The following STK32B variants were observed in gnomAD, a reference collection of about 807,000 sequenced individuals.
STK32B encodes the protein serine/threonine kinase 32B, also known as serine/threonine-protein kinase 32B.
A neutral mutation model predicts 52.6 loss-of-function variants in STK32B; 43 were observed. The observed-to-expected ratio is 0.82, with a 90% CI of 0.64 to 1.05. The LOEUF (loss-of-function observed/expected upper bound fraction) is 1.05. Ranked by LOEUF, STK32B falls within the 50% of genes least tolerant of loss-of-function variation. The probability of loss-of-function intolerance (pLI) is 0.00; values close to 1 mark genes in which losing one functional copy is unlikely to be tolerated. For synonymous variants in STK32B, 238 were observed against 204.3 expected (o/e 1.17, Z -1.41); for missense variants, 621 against 534.6 (o/e 1.16, Z -1.59).
chr4:5,194,002 T>G (rs1052915281), intron 3 of STK32B, among the ~76,000 whole-genome samples: 12 of 152,220 alleles, frequency 7.9e-5, no homozygotes, highest in Admixed American at 4.6e-4. Context: ...ACATGTTCTA[T>G]CTGAGCATTC....
intron 3 of STK32B, among the ~76,000 whole-genome samples, chr4:5,236,298 C>G (rs1724631244): frequency 6.6e-6 from 1 of 152,148 alleles, no homozygotes; most frequent in Admixed American, 6.5e-5. Context: ...AGCCTCCCCT[C>G]CAAGACTCTC....
intron 1 of STK32B, among the ~76,000 whole-genome samples, chr4:5,131,121 C>T (rs370337391): frequency 1.3e-5 from 2 of 152,278 alleles, no homozygotes; most frequent in African/African-American, 4.8e-5. Context: ...GTCCTCTACT[C>T]CTATCAGGGA....
At chr4:5,262,121 A>G (rs898248209) in intron 3 of STK32B, among the ~76,000 whole-genome samples, 26 of 151,332 alleles carry the variant, frequency 1.7e-4, no homozygotes, top group Admixed American at 1.7e-3. Flanking sequence ...ATGTTTGTCC[A>G]CTCTCTCTGT....
chr4:5,293,530 C>G (rs904231340), intron 3 of STK32B, among the ~76,000 whole-genome samples: 1 of 152,178 alleles, frequency 6.6e-6, no homozygotes, highest in Non-Finnish European at 1.5e-5. Flanking sequence ...TTGTATTTCT[C>G]TAATGACCAG....
At chr4:5,177,292 G>C in intron 3 of STK32B, among the ~76,000 whole-genome samples, 1 of 152,124 alleles carries the variant, frequency 6.6e-6, no homozygotes, top group East Asian at 1.9e-4. Context: ...TGCCAGTGGG[G>C]AAAATGTCAG....
At position 5,400,428 on chromosome 4, in the gene STK32B, C is replaced by T. The variant is rs930473766; in HGVS notation, c.472+2184C>T. Reference sequence around the variant, plus strand: ...GCTTGGCCTTCACAGTGTCCCAGCCCTGCCTTCTGGCTATGCAGCACCCCA... The same window carrying T: ...GCTTGGCCTTCACAGTGTCCCAGCCTTGCCTTCTGGCTATGCAGCACCCCA... On this transcript the variant is annotated intron_variant, in intron 5 of 11. Coordinates refer to ENST00000282908, the MANE Select transcript of STK32B (RefSeq NM_018401.3). The surrounding 1 kb of genome is among the most constrained non-coding windows in gnomAD (Gnocchi z 6.1). Among the ~76,000 whole-genome samples the T allele has an allele frequency of 1.3e-5, 2 of 152,174 alleles. No homozygotes were observed. Among genetic ancestry groups the T allele is most frequent in the African/African-American group, 4.8e-5 (2 of 41,432 alleles).
intron 4 of STK32B, among the ~76,000 whole-genome samples, chr4:5,356,683 C>T (rs1349085599): frequency 1.3e-5 from 2 of 152,160 alleles, no homozygotes; most frequent in Non-Finnish European, 2.9e-5. Flanking sequence ...TTATAGGTCT[C>T]AGCACACGGT....
intron 3 of STK32B, among the ~76,000 whole-genome samples, chr4:5,275,706 T>C (rs373448385): frequency 6.6e-6 from 1 of 151,906 alleles, no homozygotes; most frequent in East Asian, 1.9e-4. Flanking sequence ...GAGGAATGAA[T>C]TGGGATTGAA....
chr4:5,435,871 A>G (rs1465635904), intron 6 of STK32B: 1 of 152,378 alleles, frequency 6.6e-6, no homozygotes, highest in East Asian at 1.9e-4. Flanking sequence ...TAAGGAAGTG[A>G]TAATAGCAGA....
At chr4:5,498,116 A>AGT (rs1720444947) in intron 11 of STK32B, among the ~76,000 whole-genome samples, 1 of 152,236 alleles carries the variant, frequency 6.6e-6, no homozygotes, top group Non-Finnish European at 1.5e-5. Flanking sequence ...TCAAGTAGAC[A>AGT]GTGTTGAGAG....
chr4:5,157,155 T>C (rs1417408112), intron 2 of STK32B, among the ~76,000 whole-genome samples: 1 of 152,158 alleles, frequency 6.6e-6, no homozygotes, highest in African/African-American at 2.4e-5. Flanking sequence ...ATGTATTCTT[T>C]TAGAATCTTA....
At chr4:5,292,491 T>A (rs193001762) in intron 3 of STK32B, among the ~76,000 whole-genome samples, 279 of 151,912 alleles carry the variant, frequency 1.8e-3, no homozygotes, top group African/African-American at 6.2e-3. Flanking sequence ...AATGGGGCTG[T>A]TTTTTTTCTT....
At chr4:5,370,017 A>C (rs1298763548) in intron 4 of STK32B, among the ~76,000 whole-genome samples, 1 of 151,878 alleles carries the variant, frequency 6.6e-6, no homozygotes, top group Admixed American at 6.6e-5. Flanking sequence ...CTGGGACTAC[A>C]GGCGCCACCA....
chr4:5,482,094 T>TA (rs1718764369), intron 11 of STK32B, among the ~76,000 whole-genome samples: 2 of 152,228 alleles, frequency 1.3e-5, no homozygotes, highest in South Asian at 4.1e-4. Context: ...ATATGAACTT[T>TA]AAAGTAGTTT....
At chr4:5,334,437 A>T (rs1198657623) in intron 4 of STK32B, among the ~76,000 whole-genome samples, 1 of 152,086 alleles carries the variant, frequency 6.6e-6, no homozygotes, top group African/African-American at 2.4e-5. Context: ...GGACAATTTG[A>T]CATCCTCTTT....
chr4:5,483,841 G>A (rs1273430237), intron 11 of STK32B, among the ~76,000 whole-genome samples: 22 of 151,968 alleles, frequency 1.4e-4, no homozygotes, highest in African/African-American at 3.4e-4. Flanking sequence ...TCATTTCGTT[G>A]TGTACCCAGC....
chr4:5,284,350 A>G lies in STK32B; in HGVS notation c.261-46870A>G, dbSNP rs112879056. Among the ~76,000 whole-genome samples the G allele has an allele frequency of 3.5e-3, 531 of 152,282 alleles. 1 individual carries two copies. The highest frequency in any genetic ancestry group is 0.012 in the African/African-American group (504 of 41,562). On this transcript the variant is annotated intron_variant, in intron 3 of 11. Transcript: ENST00000282908. Reference sequence around the variant, plus strand: ...TAAGACAAAAGTAAACTTTAACTCTAAAAACTAGGTTTAAGAGAAGACTTA... The same window carrying G: ...TAAGACAAAAGTAAACTTTAACTCTGAAAACTAGGTTTAAGAGAAGACTTA...
chr4:5,195,321 T>C (rs1721555240), intron 3 of STK32B, among the ~76,000 whole-genome samples: 1 of 152,184 alleles, frequency 6.6e-6, no homozygotes, highest in African/African-American at 2.4e-5. Context: ...GTATCAGATT[T>C]GTGCCTGCTG....
chr4:5,238,556 C>A (rs77115948), intron 3 of STK32B, among the ~76,000 whole-genome samples: 1 of 152,140 alleles, frequency 6.6e-6, no homozygotes, highest in African/African-American at 2.4e-5. Context: ...ACATTCAACC[C>A]GCTACAGAAG....
Sources: gnomAD v4.1 joint callset for allele counts (sites outside exome capture counted in the v4.1 genomes callset) on GRCh38, gnomAD v4.1.1 for gene constraint, Gnocchi (gnomAD v3.1) non-coding constraint, MANE v1.5 for transcripts, NCBI Gene and HGNC (gene_info 2026-07-23, HGNC 2026-07-21) for gene names.